DOCK10: variants seen among roughly 807,000 people sequenced by gnomAD.
The protein encoded by DOCK10 is dedicator of cytokinesis protein 10.
A neutral mutation model predicts 280.1 loss-of-function variants in DOCK10; 145 were observed. That is an observed-to-expected ratio of 0.52 (90% CI 0.45 to 0.59). The LOEUF (loss-of-function observed/expected upper bound fraction) is 0.59, where lower values mean the gene tolerates loss of function less well. Among genes scored for constraint, DOCK10 ranks in the 20% least tolerant of loss-of-function variants. The probability of loss-of-function intolerance (pLI) is 0.00; values close to 1 mark genes in which losing one functional copy is unlikely to be tolerated. For missense variants in DOCK10, 2,368 were observed against 2,651.7 expected, an observed-to-expected ratio of 0.89 and a Z score of 2.35; for synonymous variants, 915 against 942.2, an observed-to-expected ratio of 0.97 and a Z score of 0.53.
At chr2:224,958,134 T>G (rs1704160855) in intron 1 of DOCK10, among the ~76,000 whole-genome samples, 1 of 152,268 alleles carries the variant, frequency 6.6e-6, no homozygotes, top group South Asian at 2.1e-4. Context: ...GTTGTGAGGC[T>G]TATTAATAGA....
intron 1 of DOCK10, among the ~76,000 whole-genome samples, chr2:224,967,323 G>C (rs1003907836): frequency 1.3e-5 from 2 of 152,108 alleles, no homozygotes; most frequent in Non-Finnish European, 2.9e-5. Flanking sequence ...CTTGTGATCT[G>C]CCCACCTCGG....
chr2:224,827,553 T>C (rs1446708350), intron 27 of DOCK10, among the ~76,000 whole-genome samples: 1 of 152,088 alleles, frequency 6.6e-6, no homozygotes, highest in African/African-American at 2.4e-5. Flanking sequence ...AGAATTTTAG[T>C]CCAATCCACT....
chr2:224,797,166 G>C lies in DOCK10; in HGVS notation c.4645-20C>G, dbSNP rs1043845937. 6.3e-7 allele frequency: 1 copy of C among 1,576,732 alleles called. No individual in the cohort carries two copies. The highest frequency in any genetic ancestry group is 1.2e-5 in the South Asian group (1 of 84,510). Reference sequence around the variant, plus strand: ...AGGAAACTGCAGAAATGGAAGAACGGGTGAAGGGAGCAACATGCCTTCATT... The same window carrying C: ...AGGAAACTGCAGAAATGGAAGAACGCGTGAAGGGAGCAACATGCCTTCATT... On this transcript the variant is annotated intron_variant, in intron 42 of 55. Coordinates refer to ENST00000258390, the MANE Select transcript of DOCK10 (RefSeq NM_014689.3).
At chr2:224,998,955 A>G (rs984657210) in intron 1 of DOCK10, among the ~76,000 whole-genome samples, 2 of 152,124 alleles carry the variant, frequency 1.3e-5, no homozygotes, top group African/African-American at 4.8e-5. Flanking sequence ...GAGAGGCCCA[A>G]GCAGGTGGAT....
At chr2:224,828,328 G>C (rs747892698) in intron 27 of DOCK10, among the ~76,000 whole-genome samples, 2 of 152,160 alleles carry the variant, frequency 1.3e-5, no homozygotes, top group African/African-American at 2.4e-5. Context: ...CAGAACATGG[G>C]ATTAAATAAG....
At chr2:224,945,990 C>T (rs906054877) in intron 1 of DOCK10, among the ~76,000 whole-genome samples, 3 of 152,004 alleles carry the variant, frequency 2.0e-5, no homozygotes, top group South Asian at 2.1e-4. Context: ...AACCCTGCTC[C>T]GAAAAAGGCA....
intron 50 of DOCK10, among the ~76,000 whole-genome samples, chr2:224,781,361 C>T (rs1402290774): frequency 6.6e-6 from 1 of 152,100 alleles, no homozygotes; most frequent in African/African-American, 2.4e-5. Context: ...GATGGAGGAG[C>T]AGAATAAACC....
chr2:224,773,700 C>T (rs182377098), intron 52 of DOCK10, among the ~76,000 whole-genome samples: 38 of 151,294 alleles, frequency 2.5e-4, no homozygotes, highest in Non-Finnish European at 4.7e-4. Flanking sequence ...GGCGCGATCT[C>T]GGCTCACTGC....
At chr2:224,916,819 G>T in intron 2 of DOCK10, 35 bp from the exon 3 acceptor site, 1 of 1,541,816 alleles carries the variant, frequency 6.5e-7, no homozygotes, top group Non-Finnish European at 8.9e-7. Context: ...TGAGTCCTCC[G>T]GCTTAGAAGT....
chr2:224,791,772 C>G (rs927442240), intron 47 of DOCK10, among the ~76,000 whole-genome samples: 8 of 151,936 alleles, frequency 5.3e-5, no homozygotes, highest in Non-Finnish European at 1.2e-4. Flanking sequence ...TGGCACCTGG[C>G]CAGTTCAAAT....
chr2:224,930,999 T>C (rs117370240), intron 2 of DOCK10, among the ~76,000 whole-genome samples: 2 of 152,346 alleles, frequency 1.3e-5, no homozygotes, highest in East Asian at 3.9e-4. Context: ...TCAGAGGCTG[T>C]CTGTGTGGTA....
intron 1 of DOCK10, among the ~76,000 whole-genome samples, chr2:225,035,395 T>C (rs1407862010): frequency 6.6e-6 from 1 of 151,602 alleles, no homozygotes; most frequent in African/African-American, 2.4e-5. Context: ...TCACTTTTTC[T>C]AGGAGTCAAT....
intron 1 of DOCK10, among the ~76,000 whole-genome samples, chr2:224,955,946 C>T (rs1044199672): frequency 2.0e-5 from 3 of 152,172 alleles, no homozygotes; most frequent in African/African-American, 7.2e-5. Flanking sequence ...AAACATTGTT[C>T]GTGTCTGTCC....
At chr2:224,796,863 G>A in intron 43 of DOCK10, 101 bp downstream of exon 43, 1 of 1,038,208 alleles carries the variant, frequency 9.6e-7, no homozygotes, top group Middle Eastern at 2.2e-4. Flanking sequence ...CGCTAGTGGA[G>A]GAGTTAGTGA....
chr2:225,016,455 T>C (rs187247773), intron 1 of DOCK10, among the ~76,000 whole-genome samples: 2 of 151,378 alleles, frequency 1.3e-5, no homozygotes, highest in East Asian at 2.0e-4. Flanking sequence ...ATATTATCTA[T>C]GTGCACATTC....
intron 11 of DOCK10, among the ~76,000 whole-genome samples, chr2:224,868,989 A>G (rs1234150556): frequency 6.6e-6 from 1 of 152,204 alleles, no homozygotes; most frequent in Non-Finnish European, 1.5e-5. Context: ...CAAAAATTAA[A>G]GCTCATGTGG....
intron 52 of DOCK10, 71 bp from the exon 53 acceptor site, chr2:224,773,418 C>T (rs1157055207): frequency 2.9e-6 from 4 of 1,372,542 alleles, no homozygotes; most frequent in Admixed American, 1.9e-5. Flanking sequence ...CCCTGAAGGA[C>T]CAGAGGATCA....
intron 2 of DOCK10, among the ~76,000 whole-genome samples, chr2:224,929,417 C>G (rs1274029320): frequency 6.6e-6 from 1 of 152,082 alleles, no homozygotes; most frequent in African/African-American, 2.4e-5. Flanking sequence ...ATGTTTGGAA[C>G]TGTGCTGATC....
rs1172878856 is a variant in DOCK10, at chr2:224,852,854, T to C, written c.2076+81A>G. The C allele has an allele frequency of 5.9e-5, 73 of 1,233,948 alleles. No individual in the cohort carries two copies. The South Asian group carries it at 1.4e-3, about 23-fold the overall frequency. 76.4% of individuals were successfully genotyped at this position (1,233,948 alleles called of 1,614,324 possible). On this transcript the variant is annotated intron_variant, in intron 17 of 55. Coordinates refer to ENST00000258390, the MANE Select transcript of DOCK10 (RefSeq NM_014689.3). Reference sequence around the variant, plus strand: ...CAGAGTGTTGCCCCATAGTAATTTGTATTTGCACATTCAGGAACTATCTTA... The same window carrying C: ...CAGAGTGTTGCCCCATAGTAATTTGCATTTGCACATTCAGGAACTATCTTA...
Sources: gnomAD v4.1 joint callset for allele counts (sites outside exome capture counted in the v4.1 genomes callset) on GRCh38, gnomAD v4.1.1 for gene constraint, MANE v1.5 for transcripts, NCBI Gene and HGNC (gene_info 2026-07-23, HGNC 2026-07-21) for gene names.